OPRD1: variants seen among roughly 807,000 people sequenced by gnomAD.
OPRD1 encodes the protein delta-type opioid receptor.
Under a neutral mutation model 17.5 loss-of-function variants are expected in OPRD1, and 19 were observed. The observed-to-expected ratio is 1.09, with a 90% CI of 0.76 to 1.60. The LOEUF (loss-of-function observed/expected upper bound fraction) is 1.60, where lower values mean the gene tolerates loss of function less well. OPRD1 is among the 40% of genes most tolerant of loss of function. The probability of loss-of-function intolerance (pLI) is 0.00; values close to 1 mark genes in which losing one functional copy is unlikely to be tolerated. For missense variants in OPRD1, 483 were observed against 547.2 expected, an observed-to-expected ratio of 0.88 and a Z score of 1.17; for synonymous variants, 256 against 240.9, an observed-to-expected ratio of 1.06 and a Z score of -0.58.
intron 1 of OPRD1, among the ~76,000 whole-genome samples, chr1:28,831,875 G>A (rs1208325492): frequency 6.6e-6 from 1 of 152,174 alleles, no homozygotes; most frequent in East Asian, 1.9e-4. Flanking sequence ...CCAGCTTTGT[G>A]CCAAGCTCTA....
At chr1:28,815,394 G>A (rs2088664881) in intron 1 of OPRD1, among the ~76,000 whole-genome samples, 1 of 152,220 alleles carries the variant, frequency 6.6e-6, no homozygotes, top group Admixed American at 6.5e-5. Flanking sequence ...GCGGAGCCAT[G>A]GTGCCCGGCT....
intron 1 of OPRD1, among the ~76,000 whole-genome samples, chr1:28,850,781 CAAAATA>C (rs1446400015): frequency 2.6e-5 from 3 of 115,668 alleles, no homozygotes; most frequent in Non-Finnish European, 5.3e-5. Context: ...AGATCTGTCT[CAAAATA>C]ATAATAATAA....
intron 1 of OPRD1, among the ~76,000 whole-genome samples, chr1:28,825,760 G>T (rs951851646): frequency 1.3e-5 from 2 of 152,228 alleles, no homozygotes; most frequent in Non-Finnish European, 2.9e-5. Flanking sequence ...AGAACTCCAG[G>T]TTCCCTGGGA....
chr1:28,835,664 A>ATTTGTTCCCCCACAGTGGGCAGAGCC (rs2088845775), intron 1 of OPRD1, among the ~76,000 whole-genome samples: 1 of 152,146 alleles, frequency 6.6e-6, no homozygotes, highest in South Asian at 2.1e-4. Context: ...CATTGAAGCT[A>ATTTGTTCCCCCACAGTGGGCAGAGCC]TTTGTTCCCC....
At chr1:28,841,617 G>T (rs527406295) in intron 1 of OPRD1, among the ~76,000 whole-genome samples, 1 of 152,088 alleles carries the variant, frequency 6.6e-6, no homozygotes, top group South Asian at 2.1e-4. Context: ...CAAAGCTGCT[G>T]GTCCTGTCCC....
At chr1:28,861,142 C>A (rs915429015) in intron 2 of OPRD1, among the ~76,000 whole-genome samples, 1 of 152,184 alleles carries the variant, frequency 6.6e-6, no homozygotes, top group African/African-American at 2.4e-5. Context: ...AGGGGTCCTG[C>A]CAGCCTGATG....
At chr1:28,824,049 C>T (rs2088740725) in intron 1 of OPRD1, among the ~76,000 whole-genome samples, 1 of 151,186 alleles carries the variant, frequency 6.6e-6, no homozygotes, top group Admixed American at 6.6e-5. Flanking sequence ...GGTAGTGGTG[C>T]ATGCCTGTAA....
intron 1 of OPRD1, among the ~76,000 whole-genome samples, chr1:28,826,963 T>C (rs1486834372): frequency 6.6e-6 from 1 of 152,238 alleles, no homozygotes; most frequent in Non-Finnish European, 1.5e-5. Context: ...TCAACAAAGT[T>C]CACAGATCTT....
At chr1:28,832,394 A>T (rs1314877477) in intron 1 of OPRD1, among the ~76,000 whole-genome samples, 1 of 152,036 alleles carries the variant, frequency 6.6e-6, no homozygotes, top group Non-Finnish European at 1.5e-5. Flanking sequence ...GAGGTGGGAG[A>T]ATCGCTCGAG....
chr1:28,814,643 G>A (rs533123), intron 1 of OPRD1, among the ~76,000 whole-genome samples: 111,984 of 152,046 alleles, frequency 0.74, 42,982 homozygotes, highest in East Asian at 1. Flanking sequence ...ACTGAGCACA[G>A]CTTCCCCACT....
At chr1:28,843,680 G>A (rs907396796) in intron 1 of OPRD1, among the ~76,000 whole-genome samples, 4 of 152,114 alleles carry the variant, frequency 2.6e-5, no homozygotes, top group Non-Finnish European at 5.9e-5. Flanking sequence ...GAGTGCAGTG[G>A]TGTGATCTCG....
At position 28,869,924 on chromosome 1, in the gene OPRD1, A is replaced by G. The variant is rs935186123; in HGVS notation, c.*6641A>G. The G allele has an allele frequency of 1.3e-5, 2 of 152,070 alleles. No homozygotes were observed. The highest frequency in any genetic ancestry group is 2.9e-5 in the Non-Finnish European group (2 of 68,032). 9.4% of individuals were successfully genotyped at this position (152,070 alleles called of 1,614,324 possible). A position where few individuals can be genotyped will look rare whatever the true frequency, so the allele number is the denominator to read the frequency against. ...GCCTTGGAAGTCCTGCTTGTTTGAT[A>G]ATTTTCTGACTGACTGCCATGTTGT... On this transcript the variant is annotated 3_prime_UTR_variant, in exon 3 of 3. Transcript: ENST00000234961.
At chr1:28,858,195 G>T (rs1278167812) in intron 1 of OPRD1, among the ~76,000 whole-genome samples, 1 of 131,132 alleles carries the variant, frequency 7.6e-6, no homozygotes, top group African/African-American at 2.9e-5. Context: ...CTCACTGCAA[G>T]CTCCGCCTCC....
At position 28,842,610 on chromosome 1, in the gene OPRD1, A is replaced by G. The variant is rs2088904732; in HGVS notation, c.228-16344A>G. Among the ~76,000 whole-genome samples the G allele has an allele frequency of 2.6e-5, 4 of 152,070 alleles. No individual in the cohort carries two copies. In the South Asian group the frequency reaches 8.3e-4, roughly 32 times the overall value. ...AGGAGTGTAGGGCTCCGAAAGGAACACGCATAGCCACTCAGTGCTTGGTGC... is the reference window on the plus strand; with the variant it reads ...AGGAGTGTAGGGCTCCGAAAGGAACGCGCATAGCCACTCAGTGCTTGGTGC... On this transcript the variant is annotated intron_variant, in intron 1 of 2. Transcript: ENST00000234961.
chr1:28,821,170 T>C (rs1023064804), intron 1 of OPRD1, among the ~76,000 whole-genome samples: 9 of 152,214 alleles, frequency 5.9e-5, no homozygotes, highest in Non-Finnish European at 1.0e-4. Flanking sequence ...TGGCACAATC[T>C]CGGCTCACTG....
At chr1:28,828,989 CA>C (rs149592402) in intron 1 of OPRD1, among the ~76,000 whole-genome samples, 115,130 of 137,406 alleles carry the variant, frequency 0.84, 47,870 homozygotes, top group East Asian at 0.99. Flanking sequence ...GACTCTGTCT[CA>C]AAAAAAAAAA....
intron 1 of OPRD1, among the ~76,000 whole-genome samples, chr1:28,849,847 A>G (rs428561): frequency 6.6e-6 from 1 of 151,244 alleles, no homozygotes; most frequent in African/African-American, 2.4e-5. Context: ...AAGAAAGGGC[A>G]CTGGAAAAAT....
At chr1:28,844,692 C>A (rs915659148) in intron 1 of OPRD1, among the ~76,000 whole-genome samples, 1 of 152,092 alleles carries the variant, frequency 6.6e-6, no homozygotes, top group African/African-American at 2.4e-5. Flanking sequence ...ATTTGCAAAT[C>A]TTTTCTCCCA....
At position 28,864,392 on chromosome 1, in the gene OPRD1, G is replaced by A. The variant is rs573981119; in HGVS notation, c.*1109G>A. On this transcript the variant is annotated 3_prime_UTR_variant, in exon 3 of 3. Coordinates refer to ENST00000234961, the MANE Select transcript of OPRD1 (RefSeq NM_000911.4). ...GAATCCCTCAGAATCGGTGGCCACA[G>A]TGGGGCTTGGGACAGGACAGCAGAG... 7.8e-5 allele frequency: 12 copies of A among 152,968 alleles called. No homozygotes were observed. The highest frequency in any genetic ancestry group is 2.9e-4 in the African/African-American group (12 of 41,586). 9.5% of individuals were successfully genotyped at this position (152,968 alleles called of 1,614,324 possible).
Sources: gnomAD v4.1 joint callset for allele counts (sites outside exome capture counted in the v4.1 genomes callset) on GRCh38, gnomAD v4.1.1 for gene constraint, MANE v1.5 for transcripts, NCBI Gene and HGNC (gene_info 2026-07-23, HGNC 2026-07-21) for gene names.